RPH3A: variants seen among roughly 807,000 people sequenced by gnomAD.
The protein encoded by RPH3A is rabphilin 3A.
A neutral mutation model predicts 102.2 loss-of-function variants in RPH3A; 48 were observed. The observed-to-expected ratio is 0.47, with a 90% CI of 0.37 to 0.60. The LOEUF (loss-of-function observed/expected upper bound fraction) is 0.60, where lower values mean the gene tolerates loss of function less well. Ranked by LOEUF, RPH3A falls within the 20% of genes least tolerant of loss-of-function variation. The probability of loss-of-function intolerance (pLI) is 0.00; values close to 1 mark genes in which losing one functional copy is unlikely to be tolerated. For missense variants in RPH3A, 781 were observed against 910.1 expected, an observed-to-expected ratio of 0.86 and a Z score of 1.83; for synonymous variants, 310 against 324.3, an observed-to-expected ratio of 0.96 and a Z score of 0.47.
upstream of RPH3A, among the ~76,000 whole-genome samples, chr12:112,790,633 C>T (rs79434178): frequency 0.022 from 3,307 of 152,316 alleles, 130 homozygotes; most frequent in African/African-American, 0.075. Context: ...AGATATGGAG[C>T]ACTGGGAGCC....
chr12:112,880,709 TA>T (rs1363582367), intron 14 of RPH3A, among the ~76,000 whole-genome samples: 1 of 152,172 alleles, frequency 6.6e-6, no homozygotes, highest in Non-Finnish European at 1.5e-5. Context: ...TTTGATTCCC[TA>T]AAAACTTAAC....
At chr12:112,614,131 C>T (rs906588069) in intron 1 of RPH3A, among the ~76,000 whole-genome samples, 1 of 152,166 alleles carries the variant, frequency 6.6e-6, no homozygotes, top group South Asian at 2.1e-4. Flanking sequence ...GCTCCCCTGG[C>T]ACCTTGACTT....
intron 1 of RPH3A, among the ~76,000 whole-genome samples, chr12:112,599,193 AT>A (rs1174087048): frequency 1.3e-5 from 2 of 152,144 alleles, no homozygotes; most frequent in Non-Finnish European, 2.9e-5. Flanking sequence ...TTAACTTTCG[AT>A]TCATGTGGCC....
intron 1 of RPH3A, among the ~76,000 whole-genome samples, chr12:112,576,704 T>G (rs997168863): frequency 1.3e-4 from 20 of 152,146 alleles, no homozygotes; most frequent in Admixed American, 1.3e-3. Context: ...CCCCACATAA[T>G]TTGGTGGAGA....
intron 16 of RPH3A, among the ~76,000 whole-genome samples, chr12:112,885,665 A>G (rs1302833891): frequency 6.6e-6 from 1 of 152,234 alleles, no homozygotes; most frequent in Non-Finnish European, 1.5e-5. Context: ...TGATACAGGT[A>G]TACAGTGTGT....
chr12:112,870,577 T>A (rs2042691944), intron 10 of RPH3A, among the ~76,000 whole-genome samples: 1 of 152,170 alleles, frequency 6.6e-6, no homozygotes, highest in South Asian at 2.1e-4. Flanking sequence ...GAAGGAAATG[T>A]CTACCATATT....
intron 1 of RPH3A, among the ~76,000 whole-genome samples, chr12:112,663,543 G>C (rs2040064748): frequency 6.6e-6 from 1 of 152,002 alleles, no homozygotes; most frequent in African/African-American, 2.4e-5. Flanking sequence ...TTTTTATAGA[G>C]ACAGCGTCTC....
Position 112,804,185 on chromosome 12 carries a change from C to T in RPH3A, c.-19+11922C>T, listed in dbSNP as rs138949780. 2.1e-3 allele frequency among the ~76,000 whole-genome samples: 313 copies of T among 152,264 alleles called. 4 individuals are homozygous for T. The highest frequency in any genetic ancestry group is 6.8e-3 in the Middle Eastern group (2 of 294). On this transcript the variant is annotated intron_variant, in intron 2 of 21. Transcript: ENST00000389385. Reference sequence around the variant, plus strand: ...CCAAGATTGCAAGATTAGTTAGGAACGAAAACCAGGTTCAGTCATCAGGGA... The same window carrying T: ...CCAAGATTGCAAGATTAGTTAGGAATGAAAACCAGGTTCAGTCATCAGGGA...
chr12:112,620,500 C>T (rs112477189), intron 1 of RPH3A, among the ~76,000 whole-genome samples: 301 of 152,278 alleles, frequency 2.0e-3, no homozygotes, highest in Non-Finnish European at 3.6e-3. Flanking sequence ...CCTTCTCCAC[C>T]TACATTTGAC....
chr12:112,821,712 T>A (rs1229805434), intron 2 of RPH3A, among the ~76,000 whole-genome samples: 1 of 152,180 alleles, frequency 6.6e-6, no homozygotes, highest in East Asian at 1.9e-4. Flanking sequence ...AAAGCACTCA[T>A]CACCTGTGGA....
chr12:112,656,149 ATGTATGAGGC>A lies in RPH3A; in HGVS notation c.-140+80833_-140+80842del, dbSNP rs533173342. 2.3e-4 allele frequency among the ~76,000 whole-genome samples: 35 copies of A among 152,338 alleles called. No individual in the cohort carries two copies. In the East Asian group the frequency reaches 5.8e-3, roughly 25 times the overall value. On this transcript the variant is annotated intron_variant, in intron 1 of 21. Transcript: ENST00000543106. The stretch of plus-strand genomic sequence containing the variant: ...CAGCCACAAGTCTTGGTAAACACAG[ATGTATGAGGC>A]TGCTTCTGGGCTAACATGGCATCCT...
intron 2 of RPH3A, among the ~76,000 whole-genome samples, chr12:112,819,909 G>C (rs1174586076): frequency 6.6e-6 from 1 of 152,236 alleles, no homozygotes; most frequent in Non-Finnish European, 1.5e-5. Context: ...CCAAGCCTCT[G>C]AATGCATCAC....
rs145378940 is a variant in RPH3A at position 112,676,743 on chromosome 12, ACACC to A, written c.-140+101425_-140+101428del. The stretch of plus-strand genomic sequence containing the variant: ...GCCAGGCCCGTCTCCCTCTTAGAGC[ACACC>A]GTAGGCAGTGCTAATGACAGCTGGA... On this transcript the variant is annotated intron_variant, in intron 1 of 21. Transcript: ENST00000543106. Among the ~76,000 whole-genome samples the A allele has an allele frequency of 2.0e-3, 301 of 152,294 alleles. 3 individuals carry two copies. Among genetic ancestry groups the A allele is most frequent in the African/African-American group, 7.1e-3 (295 of 41,564 alleles).
Position 112,592,086 on chromosome 12 carries a change from T to A in RPH3A, c.-140+16767T>A, listed in dbSNP as rs148033910. Among the ~76,000 whole-genome samples, 152 of 152,256 alleles carry A rather than the reference T, an allele frequency of 1.0e-3. 2 individuals are homozygous for A. Among genetic ancestry groups the A allele is most frequent in the African/African-American group, 3.5e-3 (145 of 41,550 alleles). On this transcript the variant is annotated intron_variant, in intron 1 of 21. Coordinates refer to the RPH3A transcript ENST00000543106. ...AATGCTATGTAAATAGTTGTTATAC[T>A]GTATTGTTGGTTGGGCATAGTGGCT...
At chr12:112,750,050 C>T (rs994151857) in intron 1 of RPH3A, among the ~76,000 whole-genome samples, 18 of 152,136 alleles carry the variant, frequency 1.2e-4, no homozygotes, top group African/African-American at 4.3e-4. Flanking sequence ...CTCCTTTCTC[C>T]TTCACACTGA....
Position 112,772,502 on chromosome 12 carries a change from G to A in RPH3A, c.-139-19641G>A, listed in dbSNP as rs115322485. Among the ~76,000 whole-genome samples, 1,295 of 152,222 alleles carry A rather than the reference G, an allele frequency of 8.5e-3. 22 individuals are homozygous for A. Among genetic ancestry groups the A allele is most frequent in the African/African-American group, 0.031 (1,269 of 41,538 alleles). On this transcript the variant is annotated intron_variant, in intron 1 of 21. Coordinates refer to the RPH3A transcript ENST00000543106. ...TGTATCATCCCCAGTAGAAAGCCTG[G>A]CTGCTGGTGCCTGGGGGTGGTAGAA... is the stretch of plus-strand genomic sequence containing the variant.
intron 2 of RPH3A, among the ~76,000 whole-genome samples, chr12:112,826,747 G>A (rs1205337645): frequency 1.3e-5 from 2 of 152,112 alleles, no homozygotes; most frequent in African/African-American, 4.8e-5. Flanking sequence ...TTCATCCATG[G>A]TGTTACATGC....
chr12:112,798,740 CCT>C (rs2041283012), intron 2 of RPH3A, among the ~76,000 whole-genome samples: 3 of 152,032 alleles, frequency 2.0e-5, no homozygotes, highest in South Asian at 4.2e-4. Flanking sequence ...TATCTCTCCC[CCT>C]CTCTCTCCTT....
At chr12:112,615,019 A>C (rs1347738129) in intron 1 of RPH3A, among the ~76,000 whole-genome samples, 2 of 152,274 alleles carry the variant, frequency 1.3e-5, no homozygotes, top group African/African-American at 4.8e-5. Flanking sequence ...CAACAGAGGA[A>C]CAATTTACTG....
Sources: gnomAD v4.1 joint callset for allele counts (sites outside exome capture counted in the v4.1 genomes callset) on GRCh38, gnomAD v4.1.1 for gene constraint, MANE v1.5 for transcripts, NCBI Gene and HGNC (gene_info 2026-07-23, HGNC 2026-07-21) for gene names.